Variants in NR2E1 observed in about 807,000 individuals in gnomAD.
NR2E1 encodes the protein nuclear receptor TLX.
NR2E1 carries 5 observed loss-of-function variants against 43.6 expected under a neutral mutation model. The ratio of observed to expected loss-of-function variants is 0.11; its 90% confidence interval spans 0.06 to 0.24. NR2E1 has a LOEUF of 0.24. Ranked by LOEUF, NR2E1 falls within the 10% of genes least tolerant of loss-of-function variation. NR2E1 has a pLI of 1.00. For missense variants in NR2E1, 287 were observed against 496.7 expected (o/e 0.58, Z 4.01); for synonymous variants, 191 against 195.5 (o/e 0.98, Z 0.19).
rs1773901166 is a variant in NR2E1, at chr6:108,176,574, AAGG to A, written c.337_339del (p.Glu113del). ...AGTGGCCCTCTACTTCCGTGGACACAAGGAGGAGAACGGGGCCGCCGCGCACTT... is the reference window on the plus strand; with the variant it reads ...AGTGGCCCTCTACTTCCGTGGACACAAGGAGAACGGGGCCGCCGCGCACTT... On this transcript the variant is annotated inframe_deletion, in exon 4 of 9. Transcript: ENST00000368986. The A allele has an allele frequency of 6.2e-7, 1 of 1,612,982 alleles. No homozygotes were observed. Among genetic ancestry groups the A allele is most frequent in the Non-Finnish European group, 8.5e-7 (1 of 1,179,958 alleles).
At chr6:108,177,793 C>T (rs1400068681) in intron 4 of NR2E1, among the ~76,000 whole-genome samples, 1 of 152,168 alleles carries the variant, frequency 6.6e-6, no homozygotes, top group African/African-American at 2.4e-5. Context: ...GGGAGCCAGG[C>T]TTGGCACTTG....
intron 2 of NR2E1, among the ~76,000 whole-genome samples, chr6:108,172,349 A>G (rs1459560944): frequency 2.6e-5 from 4 of 152,196 alleles, no homozygotes; most frequent in Non-Finnish European, 4.4e-5. Flanking sequence ...TCTGCTTAGA[A>G]TTTGGGCCCA....
chr6:108,172,893 C>T (rs946777721), intron 2 of NR2E1, among the ~76,000 whole-genome samples: 1 of 152,246 alleles, frequency 6.6e-6, no homozygotes, highest in African/African-American at 2.4e-5. Context: ...GGACACATCA[C>T]ATTTTACACG....
At chr6:108,167,012 C>A (rs1773720574) in intron 1 of NR2E1, among the ~76,000 whole-genome samples, 2 of 152,086 alleles carry the variant, frequency 1.3e-5, no homozygotes. Flanking sequence ...TCCCCCCTGT[C>A]TGGTGCGGTG....
intron 8 of NR2E1, among the ~76,000 whole-genome samples, chr6:108,186,908 C>A (rs537893096): frequency 6.6e-6 from 1 of 152,242 alleles, no homozygotes; most frequent in South Asian, 2.1e-4. Context: ...TTGAGGAGTC[C>A]TTAGAATTAG....
At chr6:108,167,053 C>G (rs1378410119) in intron 1 of NR2E1, among the ~76,000 whole-genome samples, 3 of 151,976 alleles carry the variant, frequency 2.0e-5, no homozygotes, top group Non-Finnish European at 4.4e-5. Flanking sequence ...GCCCACCAGT[C>G]GGATGAGTTG....
intron 8 of NR2E1, among the ~76,000 whole-genome samples, chr6:108,182,625 C>G (rs1037190197): frequency 1.5e-4 from 21 of 143,712 alleles, no homozygotes; most frequent in African/African-American, 5.3e-4. Context: ...GCGGTGCAAT[C>G]TCGGCTCACT....
rs1226584482 is a variant in NR2E1, at chr6:108,169,495, G to A, written c.26-1963G>A. On this transcript the variant is annotated intron_variant, in intron 1 of 8. Coordinates refer to ENST00000368986, the MANE Select transcript of NR2E1 (RefSeq NM_003269.5). This position sits in a 1 kb window ranked among gnomAD's most constrained non-coding sequence, Gnocchi z 6.1. ...TTGGCATCTTCAACAGTGCCACAGG[G>A]AAGAGGACAGCTGGGGTGACAGTAC... 6.6e-6 allele frequency among the ~76,000 whole-genome samples: 1 copy of A among 152,186 alleles called. No homozygotes were observed. Among genetic ancestry groups the A allele is most frequent in the African/African-American group, 2.4e-5 (1 of 41,446 alleles).
chr6:108,183,384 C>T (rs1282613589), intron 8 of NR2E1, among the ~76,000 whole-genome samples: 2 of 151,548 alleles, frequency 1.3e-5, no homozygotes, highest in African/African-American at 4.9e-5. Context: ...TTTTATTATG[C>T]CATTTAAAAA....
At chr6:108,172,982 A>G (rs769624452) in intron 2 of NR2E1, among the ~76,000 whole-genome samples, 2 of 152,212 alleles carry the variant, frequency 1.3e-5, no homozygotes, top group African/African-American at 2.4e-5. Flanking sequence ...TTCTACTTAG[A>G]TTGTCTTTTG....
intron 1 of NR2E1, among the ~76,000 whole-genome samples, chr6:108,168,484 G>A (rs1466310984): frequency 6.6e-6 from 1 of 152,218 alleles, no homozygotes; most frequent in East Asian, 1.9e-4. Flanking sequence ...TAGGAGGCAG[G>A]CCAACCCTCC....
At chr6:108,177,441 A>G (rs933119828) in intron 4 of NR2E1, among the ~76,000 whole-genome samples, 1 of 152,204 alleles carries the variant, frequency 6.6e-6, no homozygotes, top group Non-Finnish European at 1.5e-5. Flanking sequence ...CCCCCACTCC[A>G]GGCTGATGAG....
At chr6:108,181,727 C>T in intron 8 of NR2E1, 76 bp downstream of exon 8, 5 of 1,038,348 alleles carry the variant, frequency 4.8e-6, no homozygotes, top group Non-Finnish European at 7.5e-6. Context: ...CGGTAATAAG[C>T]CAGTTCAAAC....
chr6:108,171,420 GCCCCTTCC>G (rs763252794), intron 1 of NR2E1, 30 bp from the exon 2 acceptor site: 1 of 1,610,578 alleles, frequency 6.2e-7, no homozygotes, highest in South Asian at 1.1e-5. Context: ...TTTCCCTCTC[GCCCCTTCC>G]CCCCTTCCCC....
At chr6:108,182,561 T>TG (rs985097903) in intron 8 of NR2E1, among the ~76,000 whole-genome samples, 2 of 149,008 alleles carry the variant, frequency 1.3e-5, no homozygotes, top group Non-Finnish European at 3.0e-5. Context: ...GCTAATTTTT[T>TG]TTTTTTTTTT....
In NR2E1 at chr6:108,178,257, G is replaced by A. The variant is rs1209145680; in HGVS notation, c.642+16G>A. On this transcript the variant is annotated intron_variant, in intron 5 of 8. Coordinates refer to ENST00000368986, the MANE Select transcript of NR2E1 (RefSeq NM_003269.5). ...GCAAGACCAGGTATGACCACACTGAGGCCTTGGGAGAAAGAGAGCTGGGAA... is the reference window on the plus strand; with the variant it reads ...GCAAGACCAGGTATGACCACACTGAAGCCTTGGGAGAAAGAGAGCTGGGAA... 1 of 1,614,070 alleles carries A rather than the reference G, an allele frequency of 6.2e-7. No homozygotes were observed. Among genetic ancestry groups the A allele is most frequent in the South Asian group, 1.1e-5 (1 of 91,082 alleles).
intron 7 of NR2E1, 137 bp from the exon 8 acceptor site, chr6:108,181,409 G>A (rs1773983006): frequency 2.6e-5 from 20 of 762,846 alleles, no homozygotes; most frequent in Non-Finnish European, 4.7e-5. Flanking sequence ...GGCCAGGTTG[G>A]TCTCGAACTG....
intron 1 of NR2E1, among the ~76,000 whole-genome samples, chr6:108,170,562 G>A (rs1413323083): frequency 6.6e-6 from 1 of 151,106 alleles, no homozygotes; most frequent in Non-Finnish European, 1.5e-5. Context: ...TCCATGGGGG[G>A]TGGGGGGATA....
At chr6:108,175,879 GT>G (rs1387310682) in intron 3 of NR2E1, among the ~76,000 whole-genome samples, 5 of 152,240 alleles carry the variant, frequency 3.3e-5, no homozygotes, top group Non-Finnish European at 7.3e-5. Context: ...GAATTAATTT[GT>G]TTGTTTAAAC....
Sources: gnomAD v4.1 joint callset for allele counts (sites outside exome capture counted in the v4.1 genomes callset) on GRCh38, gnomAD v4.1.1 for gene constraint, Gnocchi (gnomAD v3.1) non-coding constraint, MANE v1.5 for transcripts, NCBI Gene and HGNC (gene_info 2026-07-23, HGNC 2026-07-21) for gene names.